The following SLC34A1 variants were observed in gnomAD, a reference collection of about 807,000 sequenced individuals.
The protein encoded by SLC34A1 is sodium-dependent phosphate transport protein 2A.
A neutral mutation model predicts 51.4 loss-of-function variants in SLC34A1; 57 were observed. That is an observed-to-expected ratio of 1.11 (90% confidence interval 0.90 to 1.38). The LOEUF (loss-of-function observed/expected upper bound fraction) is 1.38. SLC34A1 is among the 40% of genes most tolerant of loss of function. The probability of loss-of-function intolerance (pLI) is 0.00; values close to 1 mark genes in which losing one functional copy is unlikely to be tolerated. For synonymous variants in SLC34A1, 368 were observed against 358.0 expected, an observed-to-expected ratio of 1.03 and a Z score of -0.32; for missense variants, 796 against 835.6, an observed-to-expected ratio of 0.95 and a Z score of 0.58.
In SLC34A1 at chr5:177,385,994, C is replaced by A; in HGVS notation, c.117C>A (p.His39Gln). The A allele has an allele frequency of 6.2e-7, 1 of 1,610,758 alleles. No individual in the cohort carries two copies. The highest frequency in any genetic ancestry group is 1.7e-5 in the Admixed American group (1 of 59,976). ...FAYVPSPQVL[H>Q]RIPGTSAYAF... ...ACCAGGCTCCCTCCCTAGTCCTACA[C>A]AGGATCCCGGGGACCTCTGCCTATG... Residue 39 changes from histidine (H) to glutamine (Q), a missense_variant, in exon 3 of 13, where the codon CAC becomes CAA. By Grantham distance (24) the His-to-Gln change is conservative. Coordinates refer to ENST00000324417, the MANE Select transcript of SLC34A1 (RefSeq NM_003052.5).
intron 8 of SLC34A1, among the ~76,000 whole-genome samples, chr5:177,391,808 T>C (rs1762813318): frequency 6.6e-6 from 1 of 152,150 alleles, no homozygotes; most frequent in South Asian, 2.1e-4. Flanking sequence ...CCCTGTAACC[T>C]TTACAGCAGC....
rs1762681356 is a variant in SLC34A1, at chr5:177,388,390, C to T, written c.936+18C>T. The T allele has an allele frequency of 6.3e-7, 1 of 1,598,580 alleles. No individual in the cohort carries two copies. Among genetic ancestry groups the T allele is most frequent in the Non-Finnish European group, 8.6e-7 (1 of 1,165,978 alleles). On this transcript the variant is annotated intron_variant, in intron 8 of 12. Coordinates refer to ENST00000324417, the MANE Select transcript of SLC34A1 (RefSeq NM_003052.5). The surrounding 1 kb of genome is among the most constrained non-coding windows in gnomAD (Gnocchi z 4.3). The stretch of plus-strand genomic sequence containing the variant: ...CCTTACAGGTGAGTCCCAGGCCTAA[C>T]CCCAGGTAAGAGGACTCCCTCTTCA...
Position 177,398,356 on chromosome 5 carries a change from T to C in SLC34A1, c.*70T>C. On this transcript the variant is annotated 3_prime_UTR_variant, in exon 13 of 13. Coordinates refer to ENST00000324417, the MANE Select transcript of SLC34A1 (RefSeq NM_003052.5). The surrounding 1 kb of genome is among the most constrained non-coding windows in gnomAD (Gnocchi z 4.7). The stretch of plus-strand genomic sequence containing the variant: ...GGAAAGGCAGGGGAGGGAGGGTGTG[T>C]GTAGGTATGTGCATGTGCCTGTGCC... 3 of 1,566,022 alleles carry C rather than the reference T, an allele frequency of 1.9e-6. No individual in the cohort carries two copies.
chr5:177,388,033 G>T lies in SLC34A1; in HGVS notation c.684G>T (p.Trp228Cys). The T allele has an allele frequency of 6.2e-7, 1 of 1,613,934 alleles. No homozygotes were observed. The highest frequency in any genetic ancestry group is 2.2e-5 in the East Asian group (1 of 44,890). ...AGATVHDCFN[W>C]LSVLVLLPLE... ...CCACGGTGCATGACTGCTTTAACTG[G>T]CTGTCAGTGCTGGTCCTGCTGCCCC... The change falls in exon 7 of 13, where the codon TGG (tryptophan) becomes TGT (cysteine). Residue 228 changes from tryptophan (W) to cysteine (C), a missense_variant. Coordinates refer to ENST00000324417, the MANE Select transcript of SLC34A1 (RefSeq NM_003052.5). This position sits in a 1 kb window ranked among gnomAD's most constrained non-coding sequence, Gnocchi z 4.3.
chr5:177,398,144 T>C lies in SLC34A1; in HGVS notation c.1778T>C (p.Ile593Thr). The C allele has an allele frequency of 6.2e-7, 1 of 1,611,476 alleles. No homozygotes were observed. The highest frequency in any genetic ancestry group is 1.7e-5 in the Admixed American group (1 of 59,960). The stretch of plus-strand genomic sequence containing the variant: ...TCCCTGAAGCCCCTGGACCACCTCA[T>C]CACCCGCGCCACCCTATGCTGTGCC... ...MHSLKPLDHL[I>T]TRATLCCARP... The change falls in exon 13 of 13, where the codon ATC (isoleucine) becomes ACC (threonine). Residue 593 changes from isoleucine (I) to threonine (T), a missense_variant. Coordinates refer to ENST00000324417, the MANE Select transcript of SLC34A1 (RefSeq NM_003052.5). This position sits in a 1 kb window ranked among gnomAD's most constrained non-coding sequence, Gnocchi z 4.7.
In SLC34A1 at chr5:177,398,196, G is replaced by C. The variant is rs1561636497; in HGVS notation, c.1830G>C (p.Leu610=). The C allele has an allele frequency of 1.2e-6, 2 of 1,608,366 alleles. No individual in the cohort carries two copies. The highest frequency in any genetic ancestry group is 1.7e-6 in the Non-Finnish European group (2 of 1,179,466). Residue 610 remains leucine, a synonymous_variant, in exon 13 of 13, where the codon CTG becomes CTC. Coordinates refer to ENST00000324417, the MANE Select transcript of SLC34A1 (RefSeq NM_003052.5). The surrounding 1 kb of genome is among the most constrained non-coding windows in gnomAD (Gnocchi z 4.7). ...GGCCTGAGCCCCGCTCACCCCCGCT[G>C]CCCCCCAGGGTCTTCCTGGAGGAGC... ...CARPEPRSPP[L]PPRVFLEELP... is the part of the protein sequence containing the mutation.
At position 177,397,910 on chromosome 5, in the gene SLC34A1, C is replaced by T. The variant is rs1374997499; in HGVS notation, c.1544C>T (p.Ala515Val). 2 of 1,613,968 alleles carry T rather than the reference C, an allele frequency of 1.2e-6. No individual in the cohort carries two copies. Among genetic ancestry groups the T allele is most frequent in the Non-Finnish European group, 1.7e-6 (2 of 1,180,014 alleles). ...GKRTAKYRWFAVLYLLVCFLL... is the reference protein window; with the variant it reads ...GKRTAKYRWFVVLYLLVCFLL... ...CGCACGGCCAAGTACCGCTGGTTTG[C>T]CGTCCTCTATCTCCTTGTCTGCTTC... The change falls in exon 13 of 13, where the codon GCC becomes GTC. Residue 515 changes from alanine (A) to valine (V), a missense_variant. Ala to Val is a moderately conservative substitution (Grantham distance 64, BLOSUM62 0). Transcript: ENST00000324417.
Position 177,397,962 on chromosome 5 carries a change from C to T in SLC34A1, c.1596C>T (p.Gly532=). Residue 532 remains glycine, a synonymous_variant, in exon 13 of 13, where the codon GGC becomes GGT. Coordinates refer to ENST00000324417, the MANE Select transcript of SLC34A1 (RefSeq NM_003052.5). ...CFLLLPSLVF[G]ISMAGWQVMV... ...TGCTGCTGCCCTCACTGGTGTTTGG[C>T]ATCTCCATGGCAGGCTGGCAGGTCA... 1.2e-6 allele frequency: 2 copies of T among 1,614,126 alleles called. No homozygotes were observed. Among genetic ancestry groups the T allele is most frequent in the Non-Finnish European group, 1.7e-6 (2 of 1,180,032 alleles).
intron 8 of SLC34A1, among the ~76,000 whole-genome samples, chr5:177,391,830 C>T (rs1762813987): frequency 6.6e-6 from 1 of 152,216 alleles, no homozygotes; most frequent in East Asian, 1.9e-4. Flanking sequence ...CCTCTATTAT[C>T]CTGCGTTAGA....
In SLC34A1 at chr5:177,394,106, T is replaced by C; in HGVS notation, c.1085T>C (p.Leu362Pro). ...CTGCTGGCAGGATCCCTGGTGCTGC[T>C]GTGCACCTGCCTCATCCTCCTAGTC... is the stretch of plus-strand genomic sequence containing the variant. ...LILLAGSLVL[L>P]CTCLILLVKM... is the part of the protein sequence containing the mutation. The change falls in exon 10 of 13, where the codon CTG (leucine) becomes CCG (proline). Residue 362 changes from leucine (L) to proline (P), a missense_variant. Coordinates refer to ENST00000324417, the MANE Select transcript of SLC34A1 (RefSeq NM_003052.5). 1 of 1,613,978 alleles carries C rather than the reference T, an allele frequency of 6.2e-7. No homozygotes were observed. Among genetic ancestry groups the C allele is most frequent in the Non-Finnish European group, 8.5e-7 (1 of 1,179,964 alleles).
Position 177,398,513 on chromosome 5 carries a change from C to G in SLC34A1, c.*227C>G. 1 of 623,434 alleles carries G rather than the reference C, an allele frequency of 1.6e-6. No individual in the cohort carries two copies. Among genetic ancestry groups the G allele is most frequent in the African/African-American group, 1.8e-5 (1 of 55,302 alleles). The allele number at this position is 623,434 out of a possible 1,614,324, so 38.6% of individuals were successfully genotyped here. A position where few individuals can be genotyped will look rare whatever the true frequency, so the allele number is the denominator to read the frequency against. On this transcript the variant is annotated 3_prime_UTR_variant, in exon 13 of 13. Coordinates refer to ENST00000324417, the MANE Select transcript of SLC34A1 (RefSeq NM_003052.5). The surrounding 1 kb of genome is among the most constrained non-coding windows in gnomAD (Gnocchi z 4.7). ...ATGTGTAGAAGCTTGTATTTGTGTA[C>G]AGGTGTGCCAGCCCATGCAGGTGTA...
chr5:177,385,729 G>C lies in SLC34A1; in HGVS notation c.-13G>C. On this transcript the variant is annotated 5_prime_UTR_variant, in exon 2 of 13. Coordinates refer to ENST00000324417, the MANE Select transcript of SLC34A1 (RefSeq NM_003052.5). ...GACCCACTGACCTGCAGACCTCATA[G>C]TGGGTGCCCAGGATGTTGTCCTACG... is the stretch of plus-strand genomic sequence containing the variant. The C allele has an allele frequency of 6.2e-7, 1 of 1,604,118 alleles. No homozygotes were observed. The highest frequency in any genetic ancestry group is 8.5e-7 in the Non-Finnish European group (1 of 1,172,890).
intron 12 of SLC34A1, chr5:177,397,518 G>A (rs977846545): frequency 8.7e-6 from 5 of 576,368 alleles, no homozygotes; most frequent in Non-Finnish European, 1.6e-5. Flanking sequence ...TATCTGCTGG[G>A]GGATTCCTGT....
intron 12 of SLC34A1, chr5:177,397,302 C>T (rs948926849): frequency 1.0e-5 from 6 of 572,898 alleles, no homozygotes; most frequent in African/African-American, 3.8e-5. Flanking sequence ...AGCAGTGAGT[C>T]GGATTTGCAC....
At position 177,398,765 on chromosome 5, in the gene SLC34A1, G is replaced by C. The variant is rs1199760984; in HGVS notation, c.*479G>C. ...ATACCATCTCCTCATCCTAACCCAG[G>C]TCTTCGGCACCACCACAATTAATTC... On this transcript the variant is annotated 3_prime_UTR_variant, in exon 13 of 13. Coordinates refer to ENST00000324417, the MANE Select transcript of SLC34A1 (RefSeq NM_003052.5). This position sits in a 1 kb window ranked among gnomAD's most constrained non-coding sequence, Gnocchi z 4.7. The C allele has an allele frequency of 5.7e-6, 1 of 175,356 alleles. No individual in the cohort carries two copies. Among genetic ancestry groups the C allele is most frequent in the East Asian group, 1.6e-4 (1 of 6,116 alleles). The allele number at this position is 175,356 out of a possible 1,614,324, so 10.9% of individuals were successfully genotyped here. A position where few individuals can be genotyped will look rare whatever the true frequency, so the allele number is the denominator to read the frequency against.
In SLC34A1 at chr5:177,388,935, G is replaced by A. The variant is rs938433930; in HGVS notation, c.936+563G>A. 5.9e-5 allele frequency among the ~76,000 whole-genome samples: 9 copies of A among 152,180 alleles called. No individual in the cohort carries two copies. The highest frequency in any genetic ancestry group is 1.2e-4 in the Non-Finnish European group (8 of 68,018). On this transcript the variant is annotated intron_variant, in intron 8 of 12. Transcript: ENST00000324417. The surrounding 1 kb of genome is among the most constrained non-coding windows in gnomAD (Gnocchi z 4.3). ...GGCCATGTTTTGGGACCCAGGTAACGTGGGGAAGAGGCAGAGTGCTATAAG... is the reference window on the plus strand; with the variant it reads ...GGCCATGTTTTGGGACCCAGGTAACATGGGGAAGAGGCAGAGTGCTATAAG...
chr5:177,389,656 A>G, intron 8 of SLC34A1: 1 of 1,537,238 alleles, frequency 6.5e-7, no homozygotes, highest in Non-Finnish European at 8.7e-7. Flanking sequence ...TGGAAGGGAG[A>G]GAAATCACAC....
chr5:177,385,902 C>G, intron 2 of SLC34A1, 52 bp downstream of exon 2: 1 of 1,610,514 alleles, frequency 6.2e-7, no homozygotes, highest in East Asian at 2.2e-5. Flanking sequence ...TTGCCCACAT[C>G]CCGGATGAGG....
At position 177,388,453 on chromosome 5, in the gene SLC34A1, T is replaced by G; in HGVS notation, c.936+81T>G. ...CATTGTCTGTTCAAAATGCTCCAGA[T>G]AGACCTTGAAGATCATTTAGCCAGG... On this transcript the variant is annotated intron_variant, in intron 8 of 12. Transcript: ENST00000324417. The surrounding 1 kb of genome is among the most constrained non-coding windows in gnomAD (Gnocchi z 4.3). 1 of 1,229,940 alleles carries G rather than the reference T, an allele frequency of 8.1e-7. No homozygotes were observed. The highest frequency in any genetic ancestry group is 1.8e-5 in the Admixed American group (1 of 56,104). 76.2% of individuals were successfully genotyped at this position (1,229,940 alleles called of 1,614,324 possible). A position where few individuals can be genotyped will look rare whatever the true frequency, so the allele number is the denominator to read the frequency against.
Sources: allele counts gnomAD v4.1 joint callset (sites outside exome capture counted in the v4.1 genomes callset), GRCh38; gene constraint gnomAD v4.1.1; non-coding constraint Gnocchi (gnomAD v3.1); transcripts MANE v1.5; gene names NCBI Gene and HGNC (gene_info 2026-07-23, HGNC 2026-07-21).